The following ASAH2 variants were observed in gnomAD, a reference collection of about 807,000 sequenced individuals.
ASAH2 encodes N-acylsphingosine amidohydrolase 2, also known as neutral ceramidase.
ASAH2 carries 58 observed loss-of-function variants against 82.9 expected under a neutral mutation model. The ratio of observed to expected loss-of-function variants is 0.70; its 90% CI spans 0.57 to 0.87. The LOEUF (loss-of-function observed/expected upper bound fraction) is 0.87, where lower values mean the gene tolerates loss of function less well. Among genes scored for constraint, ASAH2 ranks in the 40% least tolerant of loss-of-function variants. The pLI is 0.00. For missense variants in ASAH2, 779 were observed against 834.0 expected (o/e 0.93, Z 0.81); for synonymous variants, 276 against 289.7 (o/e 0.95, Z 0.48).
intron 1 of ASAH2, 93 bp from the exon 2 acceptor site, chr10:50,248,739 A>T: frequency 1.0e-6 from 1 of 952,414 alleles, no homozygotes; most frequent in Non-Finnish European, 1.5e-6. Flanking sequence ...AGACTATACC[A>T]AGAACGACAA....
intron 16 of ASAH2, among the ~76,000 whole-genome samples, chr10:50,200,919 C>A (rs1417002217): frequency 6.6e-6 from 1 of 152,128 alleles, no homozygotes; most frequent in African/African-American, 2.4e-5. Context: ...TCTGCTTTTG[C>A]AACCAAACAT....
intron 16 of ASAH2, among the ~76,000 whole-genome samples, chr10:50,200,985 C>G (rs1815959972): frequency 6.6e-6 from 1 of 151,958 alleles, no homozygotes; most frequent in South Asian, 2.1e-4. Flanking sequence ...ATATAAACCC[C>G]AAACCCCCAG....
intron 7 of ASAH2, among the ~76,000 whole-genome samples, chr10:50,219,677 C>G (rs1432378918): frequency 6.6e-6 from 1 of 152,198 alleles, no homozygotes; most frequent in Non-Finnish European, 1.5e-5. Context: ...CAAAACTAAG[C>G]ATCTATTTAA....
chr10:50,201,265 A>G (rs903722729), intron 16 of ASAH2, among the ~76,000 whole-genome samples: 4 of 152,030 alleles, frequency 2.6e-5, no homozygotes, highest in African/African-American at 9.7e-5. Context: ...GATTCTTCCT[A>G]GACACTGGAC....
At chr10:50,196,069 A>G (rs1844971557) in intron 18 of ASAH2, among the ~76,000 whole-genome samples, 1 of 151,826 alleles carries the variant, frequency 6.6e-6, no homozygotes, top group African/African-American at 2.4e-5. Context: ...ACAAAAAATA[A>G]TATGTGACAT....
Position 50,213,049 on chromosome 10 carries a change from A to G in ASAH2, c.1150T>C (p.Cys384Arg), listed in dbSNP as rs1178092344. The change falls in exon 10 of 21, where the codon TGC becomes CGC. Residue 384 changes from cysteine (C) to arginine (R), a missense_variant. Transcript: ENST00000682911. ...STCPIGGPSM[C>R]IAKGPGQDMF... Reference sequence around the variant, plus strand: ...TCCTGTCCAGGTCCCTTAGCAATGCACATGCTAGGCTGGAACAAAATAAGA... The same window carrying G: ...TCCTGTCCAGGTCCCTTAGCAATGCGCATGCTAGGCTGGAACAAAATAAGA... 9 of 1,613,124 alleles carry G rather than the reference A, an allele frequency of 5.6e-6. No homozygotes were observed. The highest frequency in any genetic ancestry group is 6.8e-6 in the Non-Finnish European group (8 of 1,179,096).
intron 6 of ASAH2, 34 bp downstream of exon 6, chr10:50,234,391 A>G (rs1227023798): frequency 3.7e-6 from 6 of 1,612,598 alleles, no homozygotes; most frequent in Admixed American, 1.7e-5. Context: ...CCTAAAGGGA[A>G]TGAAACGATT....
chr10:50,240,571 G>T, intron 4 of ASAH2: 1 of 702,218 alleles, frequency 1.4e-6, no homozygotes. Context: ...TTAAAAACAA[G>T]CTGGCATCTC....
chr10:50,217,509 G>A (rs1289505514), intron 8 of ASAH2, among the ~76,000 whole-genome samples: 1 of 152,104 alleles, frequency 6.6e-6, no homozygotes. Flanking sequence ...TTACAGGTGT[G>A]AGCCACTGCA....
At chr10:50,217,945 C>T (rs1034193465) in intron 8 of ASAH2, among the ~76,000 whole-genome samples, 46 of 151,950 alleles carry the variant, frequency 3.0e-4, no homozygotes, top group South Asian at 2.5e-3. Context: ...ACCAACATGG[C>T]GAAACCCTGT....
chr10:50,203,261 C>T (rs1845204608), intron 15 of ASAH2, among the ~76,000 whole-genome samples: 1 of 151,900 alleles, frequency 6.6e-6, no homozygotes, highest in South Asian at 2.1e-4. Flanking sequence ...GAACCATTTA[C>T]AATACTGCCT....
intron 1 of ASAH2, 65 bp from the exon 2 acceptor site, chr10:50,248,711 T>G: frequency 2.1e-5 from 25 of 1,211,168 alleles, no homozygotes; most frequent in Non-Finnish European, 2.6e-5. Flanking sequence ...TAAGATATCT[T>G]AGCTCTTTCA....
At chr10:50,233,323 TG>T in intron 6 of ASAH2, 62 bp from the exon 7 acceptor site, 2 of 1,238,732 alleles carry the variant, frequency 1.6e-6, no homozygotes, top group Non-Finnish European at 2.4e-6. Context: ...TCATGTAAGA[TG>T]AACAGTAGCA....
intron 14 of ASAH2, 61 bp downstream of exon 14, chr10:50,204,800 C>T: frequency 2.4e-6 from 3 of 1,242,286 alleles, no homozygotes; most frequent in Non-Finnish European, 3.5e-6. Context: ...TGATAAGAAG[C>T]AATTCCAACA....
intron 18 of ASAH2, among the ~76,000 whole-genome samples, chr10:50,196,469 C>T (rs1314857387): frequency 2.7e-5 from 4 of 149,752 alleles, no homozygotes; most frequent in South Asian, 2.1e-4. Context: ...ACAAATTCTG[C>T]TTCATTTCTG....
At chr10:50,234,575 A>T in intron 5 of ASAH2, 23 bp from the exon 6 acceptor site, 1 of 1,612,336 alleles carries the variant, frequency 6.2e-7, no homozygotes, top group South Asian at 1.1e-5. Flanking sequence ...AAAGAGGGGG[A>T]TGTTATAAGC....
At position 50,243,421 on chromosome 10, in the gene ASAH2, A is replaced by G. The variant is rs903730148; in HGVS notation, c.361-70T>C. The G allele has an allele frequency of 5.2e-6, 8 of 1,535,422 alleles. No individual in the cohort carries two copies. In the East Asian group the frequency reaches 1.1e-4, roughly 22 times the overall value. On this transcript the variant is annotated intron_variant, in intron 3 of 20. Coordinates refer to ENST00000682911, the MANE Select transcript of ASAH2 (RefSeq NM_019893.4). Reference sequence around the variant, plus strand: ...GCTACTAGAAACCAGGCACAAACATACAATATAGACGACTGCAGAAAAACA... The same window carrying G: ...GCTACTAGAAACCAGGCACAAACATGCAATATAGACGACTGCAGAAAAACA...
chr10:50,240,647 T>A (rs926792783), intron 4 of ASAH2: 6 of 700,490 alleles, frequency 8.6e-6, no homozygotes, highest in Non-Finnish European at 1.6e-5. Context: ...CCTCCATATG[T>A]CCTAATAGAT....
At chr10:50,236,806 G>C (rs1220833230) in intron 4 of ASAH2, among the ~76,000 whole-genome samples, 1 of 152,068 alleles carries the variant, frequency 6.6e-6, no homozygotes, top group Non-Finnish European at 1.5e-5. Flanking sequence ...AAGTAGCAGA[G>C]CCAGACTCCA....
Sources: gnomAD v4.1 joint callset for allele counts (sites outside exome capture counted in the v4.1 genomes callset) on GRCh38, gnomAD v4.1.1 for gene constraint, MANE v1.5 for transcripts, NCBI Gene and HGNC (gene_info 2026-07-23, HGNC 2026-07-21) for gene names.